The following ARMH4 variants were observed in gnomAD, a reference collection of about 807,000 sequenced individuals.
ARMH4 encodes armadillo like helical domain containing 4, also known as armadillo-like helical domain-containing protein 4.
Under a neutral mutation model 61.9 loss-of-function variants are expected in ARMH4, and 49 were observed. The ratio of observed to expected loss-of-function variants is 0.79; its 90% CI spans 0.63 to 1.00. The LOEUF (loss-of-function observed/expected upper bound fraction) is 1.00, where lower values mean the gene tolerates loss of function less well. ARMH4 is among the 50% of genes least tolerant of loss of function. The pLI is 0.00. For synonymous variants in ARMH4, 368 were observed against 341.5 expected, an observed-to-expected ratio of 1.08 and a Z score of -0.85; for missense variants, 934 against 930.0, an observed-to-expected ratio of 1.00 and a Z score of -0.06.
chr14:58,138,465 C>A lies in ARMH4; in HGVS notation c.894G>T (p.Val298=). The change falls in exon 2 of 8, where the codon GTG becomes GTT. Residue 298 remains valine (V), a synonymous_variant. Transcript: ENST00000267485. ...CAGCTGGAACAGCTGTGCTGACACT[C>A]ACTGTGACTTCTGGGGCTCCCAGCA... The part of the protein sequence containing the change: ...DSLLGAPEVT[V]SVSTAVPAAS... The A allele has an allele frequency of 6.2e-7, 1 of 1,614,266 alleles. No individual in the cohort carries two copies. The highest frequency in any genetic ancestry group is 8.5e-7 in the Non-Finnish European group (1 of 1,180,054).
intron 5 of ARMH4, among the ~76,000 whole-genome samples, chr14:58,080,117 TTATA>T (rs34824218): frequency 6.9e-6 from 1 of 145,884 alleles, no homozygotes; most frequent in East Asian, 2.0e-4. Context: ...TTATATTTAT[TTATA>T]TATATATATA....
In ARMH4 at chr14:58,139,347, C is replaced by T. The variant is rs1277223354; in HGVS notation, c.12G>A (p.Pro4=). The T allele has an allele frequency of 2.5e-6, 4 of 1,613,808 alleles. No homozygotes were observed. Among genetic ancestry groups the T allele is most frequent in the Admixed American group, 1.7e-5 (1 of 60,006 alleles). MRG[P]IVLHICLAFC... Reference sequence around the variant, plus strand: ...AAGCCAGACAAATGTGCAATACAATCGGTCCTCTCATAGTGGAAGAGAAAT... The same window carrying T: ...AAGCCAGACAAATGTGCAATACAATTGGTCCTCTCATAGTGGAAGAGAAAT... Residue 4 remains proline, a synonymous_variant, in exon 2 of 8, where the codon CCG becomes CCA. Transcript: ENST00000267485.
At chr14:58,107,201 T>C (rs555545991) in intron 4 of ARMH4, among the ~76,000 whole-genome samples, 36 of 152,244 alleles carry the variant, frequency 2.4e-4, no homozygotes, top group African/African-American at 8.4e-4. Context: ...TACTAATGCA[T>C]CAAAGATAGA....
chr14:58,062,936 TACTA>T (rs767301431), intron 5 of ARMH4, among the ~76,000 whole-genome samples: 65 of 152,336 alleles, frequency 4.3e-4, no homozygotes, highest in Non-Finnish European at 7.9e-4. Flanking sequence ...CAAGGGGGTA[TACTA>T]GCTCCCTGGC....
intron 2 of ARMH4, among the ~76,000 whole-genome samples, chr14:58,135,678 G>C (rs1397341682): frequency 1.3e-5 from 2 of 151,962 alleles, no homozygotes; most frequent in South Asian, 2.1e-4. Context: ...CTGATCTTCA[G>C]TTGAAGCAGC....
chr14:58,034,426 C>G (rs1883393876), intron 5 of ARMH4, among the ~76,000 whole-genome samples: 1 of 123,746 alleles, frequency 8.1e-6, no homozygotes, highest in Admixed American at 7.6e-5. Context: ...AAAGGAACAA[C>G]CGGTACCAGC....
chr14:58,016,689 CA>C (rs1275510375), intron 5 of ARMH4, among the ~76,000 whole-genome samples: 1 of 152,162 alleles, frequency 6.6e-6, no homozygotes, highest in East Asian at 1.9e-4. Flanking sequence ...CAGCTCAGCC[CA>C]CAGCTACAAA....
intron 1 of ARMH4, 26 bp from the exon 2 acceptor site, chr14:58,139,440 C>A: frequency 7.8e-7 from 1 of 1,282,574 alleles, no homozygotes; most frequent in Non-Finnish European, 1.1e-6. Flanking sequence ...GCATATCAAA[C>A]TGTCATATAA....
intron 5 of ARMH4, among the ~76,000 whole-genome samples, chr14:58,081,504 C>CTT (rs775771053): frequency 0.012 from 1,652 of 141,914 alleles, 32 homozygotes; most frequent in African/African-American, 0.038. Context: ...AAGTTCATAT[C>CTT]TTTTTTTTTT....
Position 58,017,152 on chromosome 14 carries a change from C to G in ARMH4, c.2090-5002G>C, listed in dbSNP as rs1366160702. 2.6e-5 allele frequency among the ~76,000 whole-genome samples: 4 copies of G among 152,014 alleles called. No individual in the cohort carries two copies. The East Asian group carries it at 7.7e-4, about 29-fold the overall frequency. ...GCAACATAGCAAAACCTTGTCTCTA[C>G]AAAAAATACAAAAATTAGCTGGGTG... is the stretch of plus-strand genomic sequence containing the variant. On this transcript the variant is annotated intron_variant, in intron 5 of 7. Coordinates refer to ENST00000267485, the MANE Select transcript of ARMH4 (RefSeq NM_001001872.4).
At chr14:58,151,222 C>T (rs1237286600) in intron 1 of ARMH4, among the ~76,000 whole-genome samples, 1 of 152,200 alleles carries the variant, frequency 6.6e-6, no homozygotes, top group Non-Finnish European at 1.5e-5. Context: ...ATCATCTCAT[C>T]TTTGAGAACC....
chr14:58,056,175 A>T (rs1884342510), intron 5 of ARMH4, among the ~76,000 whole-genome samples: 1 of 152,218 alleles, frequency 6.6e-6, no homozygotes, highest in African/African-American at 2.4e-5. Flanking sequence ...CCAACTTAAG[A>T]AGAGCTGCTG....
chr14:58,145,643 A>G (rs1433015753), intron 1 of ARMH4, among the ~76,000 whole-genome samples: 1 of 152,228 alleles, frequency 6.6e-6, no homozygotes, highest in Non-Finnish European at 1.5e-5. Flanking sequence ...GAATTCTGCT[A>G]TTGCTCCAAA....
chr14:58,066,483 T>A (rs1294016314), intron 5 of ARMH4, among the ~76,000 whole-genome samples: 2 of 152,196 alleles, frequency 1.3e-5, no homozygotes, highest in Non-Finnish European at 2.9e-5. Flanking sequence ...TGGAGATGGA[T>A]AGAGGTAATG....
intron 5 of ARMH4, among the ~76,000 whole-genome samples, chr14:58,043,389 T>C (rs1264847122): frequency 6.6e-6 from 1 of 152,036 alleles, no homozygotes; most frequent in East Asian, 1.9e-4. Flanking sequence ...AAAAGGCCTT[T>C]GACAAAATTC....
chr14:58,141,372 G>C, intron 1 of ARMH4: 2 of 512,164 alleles, frequency 3.9e-6, no homozygotes, highest in South Asian at 3.1e-5. Context: ...CCAAAATTCA[G>C]GACAAGGAGG....
At position 58,032,785 on chromosome 14, in the gene ARMH4, G is replaced by C. The variant is rs553903640; in HGVS notation, c.2090-20635C>G. Among the ~76,000 whole-genome samples the C allele has an allele frequency of 3.3e-5, 5 of 152,160 alleles. No homozygotes were observed. In the South Asian group the frequency reaches 6.2e-4, roughly 19 times the overall value. Reference sequence around the variant, plus strand: ...GTTCCCTTTCCGAGTCAAAGAAAGAGGTGACGGACGCACCTGGAAAATCAG... The same window carrying C: ...GTTCCCTTTCCGAGTCAAAGAAAGACGTGACGGACGCACCTGGAAAATCAG... On this transcript the variant is annotated intron_variant, in intron 5 of 7. Coordinates refer to ENST00000267485, the MANE Select transcript of ARMH4 (RefSeq NM_001001872.4).
chr14:58,020,487 T>G (rs937535327), intron 5 of ARMH4, among the ~76,000 whole-genome samples: 3 of 152,072 alleles, frequency 2.0e-5, no homozygotes, highest in African/African-American at 4.8e-5. Context: ...TGTCTGTCCT[T>G]TCTCTCCCTC....
intron 1 of ARMH4, among the ~76,000 whole-genome samples, chr14:58,148,207 C>T (rs1479433537): frequency 1.3e-5 from 2 of 152,142 alleles, no homozygotes; most frequent in Admixed American, 6.5e-5. Context: ...CCACCACACC[C>T]GGCTAATTTT....
Sources: gnomAD v4.1 joint callset for allele counts (sites outside exome capture counted in the v4.1 genomes callset) on GRCh38, gnomAD v4.1.1 for gene constraint, MANE v1.5 for transcripts, NCBI Gene and HGNC (gene_info 2026-07-23, HGNC 2026-07-21) for gene names.